ALK: variants seen among roughly 807,000 people sequenced by gnomAD.
The protein encoded by ALK is ALK tyrosine kinase receptor.
ALK carries 74 observed loss-of-function variants against 163.1 expected under a neutral mutation model. The ratio of observed to expected loss-of-function variants is 0.45; its 90% CI spans 0.38 to 0.55. The LOEUF is 0.55. Among genes scored for constraint, ALK ranks in the 20% least tolerant of loss-of-function variants. The pLI, the probability that ALK is intolerant of heterozygous loss-of-function variation, is 0.00. For synonymous variants in ALK, 960 were observed against 843.2 expected, an observed-to-expected ratio of 1.14 and a Z score of -2.40; for missense variants, 2,063 against 2,105.3, an observed-to-expected ratio of 0.98 and a Z score of 0.39.
intron 5 of ALK, among the ~76,000 whole-genome samples, chr2:29,378,392 A>G (rs1435004446): frequency 1.3e-5 from 2 of 152,188 alleles, no homozygotes; most frequent in Non-Finnish European, 2.9e-5. Flanking sequence ...CTTCCAGCAG[A>G]GATCTTCTGT....
At chr2:29,587,342 C>T (rs1674916813) in intron 3 of ALK, among the ~76,000 whole-genome samples, 1 of 152,056 alleles carries the variant, frequency 6.6e-6, no homozygotes, top group South Asian at 2.1e-4. Flanking sequence ...CTGGCATAGG[C>T]TGTAAGCTTA....
At chr2:29,203,033 C>T (rs1386647144) in intron 26 of ALK, among the ~76,000 whole-genome samples, 8 of 152,168 alleles carry the variant, frequency 5.3e-5, no homozygotes, top group Non-Finnish European at 1.0e-4. Flanking sequence ...TCTAACTTCC[C>T]TGCATATCAG....
chr2:29,906,957 T>G (rs1183346067), intron 1 of ALK, among the ~76,000 whole-genome samples: 19 of 142,914 alleles, frequency 1.3e-4, no homozygotes, highest in Non-Finnish European at 2.6e-4. Context: ...TTTTTTTTTT[T>G]TTTTTTTTTT....
At chr2:29,457,906 C>G (rs1005692466) in intron 4 of ALK, among the ~76,000 whole-genome samples, 2 of 152,112 alleles carry the variant, frequency 1.3e-5, no homozygotes, top group Non-Finnish European at 2.9e-5. Flanking sequence ...ATACTTTTCT[C>G]CTGTCCAGCC....
At chr2:29,440,552 G>A (rs541391920) in intron 4 of ALK, among the ~76,000 whole-genome samples, 1 of 152,166 alleles carries the variant, frequency 6.6e-6, no homozygotes, top group Non-Finnish European at 1.5e-5. Context: ...CCCAACCTCA[G>A]GTGATCCGCC....
At chr2:29,533,673 C>G (rs191030698) in intron 3 of ALK, among the ~76,000 whole-genome samples, 1 of 152,306 alleles carries the variant, frequency 6.6e-6, no homozygotes, top group Admixed American at 6.5e-5. Context: ...CCCTCAGATT[C>G]CATTTAATGG....
chr2:29,411,561 C>T (rs1465587362), intron 4 of ALK, among the ~76,000 whole-genome samples: 1 of 152,156 alleles, frequency 6.6e-6, no homozygotes, highest in Non-Finnish European at 1.5e-5. Flanking sequence ...ATCCTCCTGC[C>T]TCAGTCTCCC....
intron 22 of ALK, 107 bp downstream of exon 22, chr2:29,222,237 C>T (rs566151287): frequency 9.8e-7 from 1 of 1,016,790 alleles, no homozygotes; most frequent in South Asian, 1.4e-5. Flanking sequence ...AGGGGACATG[C>T]TAGGGACAAC....
intron 3 of ALK, among the ~76,000 whole-genome samples, chr2:29,678,089 G>T (rs1458854157): frequency 6.6e-6 from 1 of 151,850 alleles, no homozygotes; most frequent in African/African-American, 2.4e-5. Flanking sequence ...TCATATATTG[G>T]CAAAAGGATG....
intron 2 of ALK, among the ~76,000 whole-genome samples, chr2:29,700,262 T>A: frequency 6.6e-6 from 1 of 152,166 alleles, no homozygotes; most frequent in East Asian, 1.9e-4. Context: ...ATTAAAAAGC[T>A]TGGCTGGGTG....
intron 4 of ALK, among the ~76,000 whole-genome samples, chr2:29,488,034 G>A (rs1025932154): frequency 4.0e-5 from 6 of 151,806 alleles, no homozygotes; most frequent in Admixed American, 2.0e-4. Flanking sequence ...ACATATGCAC[G>A]TGCACACAGA....
intron 9 of ALK, among the ~76,000 whole-genome samples, chr2:29,287,133 T>C (rs1028226592): frequency 4.6e-5 from 7 of 152,356 alleles, no homozygotes; most frequent in Non-Finnish European, 5.9e-5. Flanking sequence ...GCTTCTTGTG[T>C]GCACCATGTA....
chr2:29,347,884 C>T (rs1460445804), intron 5 of ALK, among the ~76,000 whole-genome samples: 1 of 152,182 alleles, frequency 6.6e-6, no homozygotes, highest in African/African-American at 2.4e-5. Context: ...TTAACACCCC[C>T]GGAGTTTCCG....
intron 1 of ALK, among the ~76,000 whole-genome samples, chr2:29,862,178 T>C (rs573685407): frequency 3.9e-5 from 6 of 152,068 alleles, no homozygotes; most frequent in Non-Finnish European, 5.9e-5. Flanking sequence ...TACTCAATGG[T>C]GAAAAGTTGA....
chr2:29,802,324 G>C (rs1664487959), intron 1 of ALK, among the ~76,000 whole-genome samples: 2 of 68,642 alleles, frequency 2.9e-5, no homozygotes, highest in Non-Finnish European at 5.6e-5. Context: ...GATGGGAGGG[G>C]AGAGGAGGGG....
chr2:29,906,989 G>T (rs983081837), intron 1 of ALK: 2 of 111,610 alleles, frequency 1.8e-5, no homozygotes, highest in East Asian at 3.0e-4. Flanking sequence ...TTGCTCTGTC[G>T]CCCATGCTGG....
intron 1 of ALK, among the ~76,000 whole-genome samples, chr2:29,836,579 T>C (rs1447463593): frequency 6.6e-6 from 1 of 152,228 alleles, no homozygotes; most frequent in Non-Finnish European, 1.5e-5. Flanking sequence ...TCCTGCTAAG[T>C]ATAAGTAAGT....
chr2:29,860,674 T>G (rs1315852904), intron 1 of ALK, among the ~76,000 whole-genome samples: 1 of 152,142 alleles, frequency 6.6e-6, no homozygotes, highest in Non-Finnish European at 1.5e-5. Context: ...TGAAATCACA[T>G]CAAGTATCTT....
At chr2:29,776,308 A>G (rs1180348900) in intron 1 of ALK, among the ~76,000 whole-genome samples, 2 of 151,946 alleles carry the variant, frequency 1.3e-5, no homozygotes, top group African/African-American at 4.8e-5. Context: ...TAGGCATAAG[A>G]GAGAAGGCTG....
Sources: gnomAD v4.1 joint callset for allele counts (sites outside exome capture counted in the v4.1 genomes callset) on GRCh38, gnomAD v4.1.1 for gene constraint, MANE v1.5 for transcripts, NCBI Gene and HGNC (gene_info 2026-07-23, HGNC 2026-07-21) for gene names.